NFIA: variants seen among roughly 807,000 people sequenced by gnomAD.
NFIA encodes the protein nuclear factor 1 A-type.
NFIA carries 8 observed loss-of-function variants against 62.8 expected under a neutral mutation model. That is an observed-to-expected ratio of 0.13 (90% confidence interval 0.07 to 0.23). NFIA has a LOEUF of 0.23. Ranked by LOEUF, NFIA falls within the 10% of genes least tolerant of loss-of-function variation. The probability of loss-of-function intolerance (pLI) is 1.00; values close to 1 mark genes in which losing one functional copy is unlikely to be tolerated. For missense variants in NFIA, 410 were observed against 642.1 expected, an observed-to-expected ratio of 0.64 and a Z score of 3.91; for synonymous variants, 235 against 238.1, an observed-to-expected ratio of 0.99 and a Z score of 0.12.
chr1:61,192,724 A>AT, intron 2 of NFIA, among the ~76,000 whole-genome samples: 1 of 152,174 alleles, frequency 6.6e-6, no homozygotes, highest in South Asian at 2.1e-4. Context: ...AGAAAAAAAA[A>AT]GAAATGTCAA....
At chr1:61,298,242 T>C (rs143958038) in intron 3 of NFIA, among the ~76,000 whole-genome samples, 2 of 152,278 alleles carry the variant, frequency 1.3e-5, no homozygotes, top group African/African-American at 4.8e-5. Context: ...ACACACGCTC[T>C]CTCTTGCCTG....
intron 3 of NFIA, among the ~76,000 whole-genome samples, chr1:61,310,497 T>TG (rs1222606422): frequency 6.6e-6 from 1 of 152,062 alleles, no homozygotes; most frequent in East Asian, 1.9e-4. Flanking sequence ...ATTTAGTGTA[T>TG]GGGGGGAAAA....
chr1:61,248,784 A>G (rs1201233119), intron 2 of NFIA, among the ~76,000 whole-genome samples: 2 of 152,230 alleles, frequency 1.3e-5, no homozygotes, highest in Admixed American at 6.5e-5. Flanking sequence ...AAAATTGCCA[A>G]TTAAATCTTC....
intron 10 of NFIA, among the ~76,000 whole-genome samples, chr1:61,453,943 A>G (rs1480405337): frequency 6.6e-6 from 1 of 152,198 alleles, no homozygotes; most frequent in African/African-American, 2.4e-5. Flanking sequence ...AGTCTACAGG[A>G]TGCGTAGTTT....
At chr1:61,223,013 T>A (rs1227292302) in intron 2 of NFIA, among the ~76,000 whole-genome samples, 1 of 152,090 alleles carries the variant, frequency 6.6e-6, no homozygotes, top group Admixed American at 6.5e-5. Context: ...TGAAATTTTT[T>A]TGAAGGGAAA....
intron 2 of NFIA, among the ~76,000 whole-genome samples, chr1:61,181,843 TA>T (rs778649401): frequency 1.3e-3 from 195 of 152,264 alleles, no homozygotes; most frequent in Non-Finnish European, 2.0e-3. Context: ...TATAAACAAA[TA>T]AAAGTGGTAA....
chr1:61,324,596 G>C (rs751088945), intron 3 of NFIA, among the ~76,000 whole-genome samples: 23 of 152,270 alleles, frequency 1.5e-4, no homozygotes, highest in South Asian at 6.2e-4. Flanking sequence ...TTTCTTTAGT[G>C]GTCAGCCTCC....
At chr1:61,093,429 T>C (rs1280715925) in intron 2 of NFIA, among the ~76,000 whole-genome samples, 1 of 152,170 alleles carries the variant, frequency 6.6e-6, no homozygotes, top group African/African-American at 2.4e-5. Context: ...CCTATCAAAC[T>C]CTAGCTTTAA....
chr1:61,423,385 G>C (rs1461758617), intron 9 of NFIA, among the ~76,000 whole-genome samples: 1 of 152,098 alleles, frequency 6.6e-6, no homozygotes, highest in Non-Finnish European at 1.5e-5. Flanking sequence ...TTATCAGTAA[G>C]TCATCAAGTA....
intron 7 of NFIA, among the ~76,000 whole-genome samples, chr1:61,393,357 T>TTCTCTGTG (rs1389424083): frequency 9.8e-6 from 1 of 102,488 alleles, no homozygotes; most frequent in Non-Finnish European, 1.9e-5. Context: ...AGGTCTGCTA[T>TTCTCTGTG]TCTCTGTGTG....
Position 61,459,308 on chromosome 1 carries a change from CAG to C in NFIA, c.*3991_*3992del, listed in dbSNP as rs1354587369. On this transcript the variant is annotated 3_prime_UTR_variant, in exon 11 of 11. Coordinates refer to ENST00000403491, the MANE Select transcript of NFIA (RefSeq NM_001134673.4). ...TTGTTTTTTCTTTGGGAACTGAAGTCAGAGGCACGAACACTAACTCTTAGCAT... is the reference window on the plus strand; with the variant it reads ...TTGTTTTTTCTTTGGGAACTGAAGTCAGGCACGAACACTAACTCTTAGCAT... 1 of 152,402 alleles carries C rather than the reference CAG, an allele frequency of 6.6e-6. No individual in the cohort carries two copies. The highest frequency in any genetic ancestry group is 2.4e-5 in the African/African-American group (1 of 41,402). The allele number at this position is 152,402 out of a possible 1,614,324, so 9.4% of individuals were successfully genotyped here.
intron 3 of NFIA, among the ~76,000 whole-genome samples, chr1:61,329,049 C>CTTT (rs369972455): frequency 1.8e-4 from 22 of 122,440 alleles, no homozygotes; most frequent in Non-Finnish European, 3.3e-4. Context: ...TTCTTTTTTT[C>CTTT]TTTTTTTTTT....
At chr1:61,417,910 CCT>C (rs1349465548) in intron 9 of NFIA, among the ~76,000 whole-genome samples, 3 of 152,036 alleles carry the variant, frequency 2.0e-5, no homozygotes, top group Non-Finnish European at 4.4e-5. Flanking sequence ...AGGGGTAAAG[CCT>C]TAGTTAAAGG....
At chr1:61,090,221 G>T (rs371356786) in intron 2 of NFIA, among the ~76,000 whole-genome samples, 17 of 152,048 alleles carry the variant, frequency 1.1e-4, no homozygotes, top group African/African-American at 4.1e-4. Flanking sequence ...ACAGCAAAAC[G>T]CAAAAAAAGT....
At chr1:61,445,885 G>A (rs748102864) in intron 10 of NFIA, among the ~76,000 whole-genome samples, 5 of 152,100 alleles carry the variant, frequency 3.3e-5, no homozygotes, top group Non-Finnish European at 7.3e-5. Flanking sequence ...GTTAAAGTTG[G>A]ACCCCTGACT....
rs1052875868 is a variant in NFIA at position 61,426,412 on chromosome 1, G to GT, written c.1421-52dup. 3.3e-6 allele frequency: 4 copies of GT among 1,198,556 alleles called. No individual in the cohort carries two copies. The African/African-American group carries it at 4.6e-5, about 14-fold the overall frequency. The allele number at this position is 1,198,556 out of a possible 1,614,324, so 74.2% of individuals were successfully genotyped here. On this transcript the variant is annotated intron_variant, in intron 9 of 10. Coordinates refer to ENST00000403491, the MANE Select transcript of NFIA (RefSeq NM_001134673.4). ...GAGACTGTGTGTTTTGGTGTTGTTT[G>GT]TGTGTGCAATCTCGTGCCGCTTCCT... is the stretch of plus-strand genomic sequence containing the variant.
chr1:61,250,730 G>A (rs1243327474), intron 2 of NFIA, among the ~76,000 whole-genome samples: 1 of 152,050 alleles, frequency 6.6e-6, no homozygotes, highest in African/African-American at 2.4e-5. Flanking sequence ...CATTGAAAAA[G>A]ATACTATAAA....
chr1:61,374,728 A>T (rs1664063743), intron 6 of NFIA, among the ~76,000 whole-genome samples: 1 of 152,142 alleles, frequency 6.6e-6, no homozygotes, highest in African/African-American at 2.4e-5. Flanking sequence ...TTATGATGTG[A>T]TAATTCTTTG....
intron 7 of NFIA, among the ~76,000 whole-genome samples, chr1:61,385,354 G>T (rs17122082): frequency 1.3e-5 from 2 of 152,208 alleles, no homozygotes; most frequent in East Asian, 3.8e-4. Context: ...AAGTTAGTAA[G>T]AACTGAGAAG....
Sources: allele counts gnomAD v4.1 joint callset (sites outside exome capture counted in the v4.1 genomes callset), GRCh38; gene constraint gnomAD v4.1.1; transcripts MANE v1.5; gene names NCBI Gene and HGNC (gene_info 2026-07-23, HGNC 2026-07-21).